Variants in CRYZ observed in about 807,000 individuals in gnomAD.
CRYZ encodes zeta-crystallin.
CRYZ carries 35 observed loss-of-function variants against 34.1 expected under a neutral mutation model. The ratio of observed to expected loss-of-function variants is 1.03; its 90% CI spans 0.78 to 1.36. CRYZ has a LOEUF of 1.36. Among genes scored for constraint, CRYZ ranks in the 40% most tolerant of loss-of-function variants. The probability of loss-of-function intolerance (pLI) is 0.00; values close to 1 mark genes in which losing one functional copy is unlikely to be tolerated. For synonymous variants in CRYZ, 137 were observed against 136.5 expected (o/e 1.00, Z -0.03); for missense variants, 403 against 391.8 (o/e 1.03, Z -0.24).
chr1:74,710,114 T>C lies in CRYZ; in HGVS notation c.614A>G (p.Tyr205Cys). ...AAATTTTACCTTAATTTTATCAATGTAATTCACTTCTCTGTGATTGAACAC... is the reference window on the plus strand; with the variant it reads ...AAATTTTACCTTAATTTTATCAATGCAATTCACTTCTCTGTGATTGAACAC... ...HEVFNHREVN[Y>C]IDKIKKYVGE... is the part of the protein sequence containing the mutation. The change falls in exon 6 of 9, where the codon TAC (tyrosine) becomes TGC (cysteine). Residue 205 changes from tyrosine to cysteine, a missense_variant. Tyr to Cys is a radical substitution (Grantham distance 194). Transcript: ENST00000340866. 6.2e-7 allele frequency: 1 copy of C among 1,613,164 alleles called. No homozygotes were observed. Among genetic ancestry groups the C allele is most frequent in the Non-Finnish European group, 8.5e-7 (1 of 1,179,498 alleles).
intron 1 of CRYZ, among the ~76,000 whole-genome samples, chr1:74,731,409 A>G (rs766231280): frequency 6.6e-6 from 1 of 152,150 alleles, no homozygotes; most frequent in Non-Finnish European, 1.5e-5. Flanking sequence ...GAAAACTTAG[A>G]AAAAAAATCA....
chr1:74,727,488 C>T (rs192122058), intron 1 of CRYZ, among the ~76,000 whole-genome samples: 6,176 of 143,696 alleles, frequency 0.043, 152 homozygotes, highest in Non-Finnish European at 0.057. Context: ...AAAAATTAGC[C>T]GGGCATGGTG....
chr1:74,712,590 G>A (rs1242293926), intron 5 of CRYZ, among the ~76,000 whole-genome samples: 1 of 152,130 alleles, frequency 6.6e-6, no homozygotes, highest in Non-Finnish European at 1.5e-5. Flanking sequence ...CCAGGTTATG[G>A]CAGGAATTTG....
chr1:74,715,286 CAT>C (rs1444839743), intron 4 of CRYZ, among the ~76,000 whole-genome samples: 1 of 152,212 alleles, frequency 6.6e-6, no homozygotes, highest in African/African-American at 2.4e-5. Flanking sequence ...TTCCAGTTCA[CAT>C]GACTACTTTT....
At chr1:74,724,890 T>G (rs931314809) in intron 1 of CRYZ, 56 bp from the exon 2 acceptor site, 1 of 1,048,272 alleles carries the variant, frequency 9.5e-7, no homozygotes, top group South Asian at 1.4e-5. Context: ...TATCACCATG[T>G]TTTTCCCCCC....
At chr1:74,716,970 GCT>G (rs750634501) in intron 4 of CRYZ, among the ~76,000 whole-genome samples, 16 of 152,096 alleles carry the variant, frequency 1.1e-4, no homozygotes, top group Non-Finnish European at 2.4e-4. Context: ...TGCCACTTCA[GCT>G]CTGATTCTTA....
chr1:74,732,699 G>A (rs954178338), intron 1 of CRYZ: 3 of 152,104 alleles, frequency 2.0e-5, no homozygotes, highest in African/African-American at 7.3e-5. Context: ...TGGTGTGGTA[G>A]CCTAAACTCA....
chr1:74,728,432 T>C lies in CRYZ; in HGVS notation c.-13-3598A>G, dbSNP rs111827326. On this transcript the variant is annotated intron_variant, in intron 1 of 8. Coordinates refer to ENST00000340866, the MANE Select transcript of CRYZ (RefSeq NM_001889.4). Reference sequence around the variant, plus strand: ...ATGAAAGGTTTTGACTATATCCCCATAATTTTATCTGTGGGTTATAATTTC... The same window carrying C: ...ATGAAAGGTTTTGACTATATCCCCACAATTTTATCTGTGGGTTATAATTTC... Among the ~76,000 whole-genome samples, 252 of 152,364 alleles carry C rather than the reference T, an allele frequency of 1.7e-3. 1 individual carries two copies. The highest frequency in any genetic ancestry group is 5.8e-3 in the African/African-American group (243 of 41,582).
At chr1:74,728,738 A>G (rs1252128821) in intron 1 of CRYZ, among the ~76,000 whole-genome samples, 1 of 152,234 alleles carries the variant, frequency 6.6e-6, no homozygotes. Flanking sequence ...TAATTAATCA[A>G]AAGTTTGTGC....
intron 6 of CRYZ, among the ~76,000 whole-genome samples, chr1:74,709,640 T>C (rs371008250): frequency 7.2e-5 from 11 of 152,228 alleles, no homozygotes; most frequent in African/African-American, 2.7e-4. Context: ...CTCACCATTT[T>C]GGATGCAGTA....
chr1:74,719,102 G>T, intron 4 of CRYZ, 107 bp downstream of exon 4: 1 of 1,180,184 alleles, frequency 8.5e-7, no homozygotes, highest in Non-Finnish European at 1.2e-6. Context: ...GTAAGTAACT[G>T]GTAACCAAAT....
At chr1:74,730,219 G>T (rs1387459892) in intron 1 of CRYZ, among the ~76,000 whole-genome samples, 1 of 152,104 alleles carries the variant, frequency 6.6e-6, no homozygotes, top group African/African-American at 2.4e-5. Context: ...CATCTGCTTT[G>T]CCCAGTACTA....
At chr1:74,731,233 T>C (rs1200407981) in intron 1 of CRYZ, among the ~76,000 whole-genome samples, 1 of 152,218 alleles carries the variant, frequency 6.6e-6, no homozygotes, top group East Asian at 1.9e-4. Flanking sequence ...CTGGCTATGC[T>C]TGTATCCATT....
chr1:74,714,547 T>C, intron 5 of CRYZ, 32 bp downstream of exon 5: 1 of 1,602,974 alleles, frequency 6.2e-7, no homozygotes, highest in Non-Finnish European at 8.5e-7. Flanking sequence ...AAACCCAAGC[T>C]TGTTTCAAAA....
intron 1 of CRYZ, among the ~76,000 whole-genome samples, chr1:74,726,445 T>C (rs1462895923): frequency 2.6e-5 from 4 of 152,162 alleles, no homozygotes; most frequent in Non-Finnish European, 4.4e-5. Flanking sequence ...CTTTAAGCTA[T>C]GGCTGGGATG....
At chr1:74,723,293 T>C in intron 2 of CRYZ, 23 bp from the exon 3 acceptor site, 1 of 1,603,166 alleles carries the variant, frequency 6.2e-7, no homozygotes, top group Non-Finnish European at 8.5e-7. Context: ...TGTATTTTAG[T>C]TCACAGAAAG....
At chr1:74,714,407 T>C (rs1180043972) in intron 5 of CRYZ, among the ~76,000 whole-genome samples, 172 bp downstream of exon 5, 1 of 152,122 alleles carries the variant, frequency 6.6e-6, no homozygotes, top group Non-Finnish European at 1.5e-5. Flanking sequence ...AATGCTAAAC[T>C]AATGACAAAA....
At chr1:74,729,770 G>GC (rs1388258340) in intron 1 of CRYZ, among the ~76,000 whole-genome samples, 1 of 151,978 alleles carries the variant, frequency 6.6e-6, no homozygotes, top group Non-Finnish European at 1.5e-5. Context: ...ATCAAAACAA[G>GC]CTCTTATTCT....
At chr1:74,732,524 G>GAC in intron 1 of CRYZ, among the ~76,000 whole-genome samples, 1 of 151,606 alleles carries the variant, frequency 6.6e-6, no homozygotes, top group East Asian at 1.9e-4. Flanking sequence ...GCCCTGGACA[G>GAC]ACCGCTGGGC....
Sources: allele counts gnomAD v4.1 joint callset (sites outside exome capture counted in the v4.1 genomes callset), GRCh38; gene constraint gnomAD v4.1.1; transcripts MANE v1.5; gene names NCBI Gene and HGNC (gene_info 2026-07-23, HGNC 2026-07-21).